Variants in GALNT18 observed in about 807,000 individuals in gnomAD.
GALNT18 encodes polypeptide N-acetylgalactosaminyltransferase 18, also known as GalNAc-transferase 18.
GALNT18 carries 44 observed loss-of-function variants against 69.5 expected under a neutral mutation model. The ratio of observed to expected loss-of-function variants is 0.63; its 90% confidence interval spans 0.50 to 0.81. The LOEUF (loss-of-function observed/expected upper bound fraction) is 0.81, where lower values mean the gene tolerates loss of function less well. Among genes scored for constraint, GALNT18 ranks in the 40% least tolerant of loss-of-function variants. The probability of loss-of-function intolerance (pLI) is 0.00; values close to 1 mark genes in which losing one functional copy is unlikely to be tolerated. For missense variants in GALNT18, 715 were observed against 810.0 expected (o/e 0.88, Z 1.42); for synonymous variants, 364 against 318.2 (o/e 1.14, Z -1.53).
intron 3 of GALNT18, among the ~76,000 whole-genome samples, chr11:11,397,838 T>G (rs1002523889): frequency 1.3e-5 from 2 of 152,106 alleles, no homozygotes; most frequent in African/African-American, 4.8e-5. Context: ...TTGCAGTTGA[T>G]TGGGCTCTGT....
intron 9 of GALNT18, among the ~76,000 whole-genome samples, chr11:11,295,592 G>C (rs1354709238): frequency 6.6e-6 from 1 of 152,132 alleles, no homozygotes; most frequent in Non-Finnish European, 1.5e-5. Context: ...CTGGAAACCA[G>C]AGATTTCCAT....
rs529247669 is a variant in GALNT18 at position 11,293,139 on chromosome 11, C to A, written c.1567G>T (p.Val523Leu). The A allele has an allele frequency of 7.3e-7, 1 of 1,360,768 alleles. No homozygotes were observed. The highest frequency in any genetic ancestry group is 2.2e-5 in the South Asian group (1 of 45,608). The allele number at this position is 1,360,768 out of a possible 1,614,324, so 84.3% of individuals were successfully genotyped here. Residue 523 changes from valine to leucine, a missense_variant, in exon 10 of 11, where the codon GTG (valine) becomes TTG (leucine). Val to Leu is a conservative substitution (Grantham distance 32, BLOSUM62 1). Transcript: ENST00000227756. ...AGGCATCGGTTGTCATCATCATCCA[C>A]GGTGGGGCTCAGAATGCCCACATGG... ...QIHVGILSPT[V>L]DDDDNRCLVD... is the part of the protein sequence containing the mutation.
rs1436915166 is a variant in GALNT18, at chr11:11,611,790, C to CT, written c.235+9568dup. Among the ~76,000 whole-genome samples, 3 of 152,268 alleles carry CT rather than the reference C, an allele frequency of 2.0e-5. No individual in the cohort carries two copies. In the East Asian group the frequency reaches 5.8e-4, roughly 29 times the overall value. On this transcript the variant is annotated intron_variant, in intron 1 of 10. Coordinates refer to ENST00000227756, the MANE Select transcript of GALNT18 (RefSeq NM_198516.3). ...TCTAGTCTGCAGCTGGAACACTCCG[C>CT]TTTTTTGACAAGGACCAGTTCCTGG...
At chr11:11,326,700 C>A (rs1250670542) in intron 9 of GALNT18, among the ~76,000 whole-genome samples, 1 of 152,198 alleles carries the variant, frequency 6.6e-6, no homozygotes, top group South Asian at 2.1e-4. Context: ...TGAAGGGACT[C>A]TGACATTTCA....
chr11:11,416,769 G>T (rs1245325037), intron 3 of GALNT18, among the ~76,000 whole-genome samples: 4 of 152,150 alleles, frequency 2.6e-5, no homozygotes, highest in African/African-American at 9.7e-5. Context: ...AGGCAGTGCA[G>T]GAAGAGGAAG....
intron 1 of GALNT18, among the ~76,000 whole-genome samples, chr11:11,510,436 G>GTCAC (rs78067644): frequency 0.12 from 18,366 of 152,048 alleles, 1,217 homozygotes; most frequent in South Asian, 0.23. Context: ...CTCTATTCAG[G>GTCAC]TCACTTCTGC....
intron 9 of GALNT18, among the ~76,000 whole-genome samples, chr11:11,296,662 G>A (rs1280293141): frequency 6.6e-6 from 1 of 152,250 alleles, no homozygotes; most frequent in African/African-American, 2.4e-5. Context: ...AGAGTTTAGG[G>A]AGATGCTGGG....
At chr11:11,365,199 A>G (rs1335689190) in intron 6 of GALNT18, among the ~76,000 whole-genome samples, 1 of 151,888 alleles carries the variant, frequency 6.6e-6, no homozygotes, top group Non-Finnish European at 1.5e-5. Context: ...CTCTGTGTCC[A>G]TGTGTTCTCA....
rs1056644684 is a variant in GALNT18 at position 11,463,811 on chromosome 11, T to C, written c.236-14875A>G. ...TTGAGCATGACGGTAAAAATATTTA[T>C]CACATGAAAGATGTGAAACCTTTAT... On this transcript the variant is annotated intron_variant, in intron 1 of 10. Coordinates refer to ENST00000227756, the MANE Select transcript of GALNT18 (RefSeq NM_198516.3). This position sits in a 1 kb window ranked among gnomAD's most constrained non-coding sequence, Gnocchi z 4.2. Among the ~76,000 whole-genome samples, 1 of 152,190 alleles carries C rather than the reference T, an allele frequency of 6.6e-6. No individual in the cohort carries two copies. The highest frequency in any genetic ancestry group is 6.5e-5 in the Admixed American group (1 of 15,284).
At position 11,421,400 on chromosome 11, in the gene GALNT18, C is replaced by T. The variant is rs532856881; in HGVS notation, c.595+11221G>A. On this transcript the variant is annotated intron_variant, in intron 3 of 10. Coordinates refer to ENST00000227756, the MANE Select transcript of GALNT18 (RefSeq NM_198516.3). The surrounding 1 kb of genome is among the most constrained non-coding windows in gnomAD (Gnocchi z 5.6). The stretch of plus-strand genomic sequence containing the variant: ...AGCTTATCGGTGGGAAGTCCCAGCC[C>T]CCATGATGTAGGAAGCCAGGTGGAT... 1.3e-5 allele frequency among the ~76,000 whole-genome samples: 2 copies of T among 152,186 alleles called. No homozygotes were observed. Among genetic ancestry groups the T allele is most frequent in the South Asian group, 4.2e-4 (2 of 4,808 alleles).
At chr11:11,437,246 C>A (rs963347920) in intron 2 of GALNT18, among the ~76,000 whole-genome samples, 6 of 152,168 alleles carry the variant, frequency 3.9e-5, no homozygotes, top group African/African-American at 1.4e-4. Context: ...TGAGAACAGG[C>A]ATATTCTCCT....
rs978414183 is a variant in GALNT18, at chr11:11,318,711, G to A, written c.1512+8375C>T. On this transcript the variant is annotated intron_variant, in intron 9 of 10. Coordinates refer to ENST00000227756, the MANE Select transcript of GALNT18 (RefSeq NM_198516.3). The surrounding 1 kb of genome is among the most constrained non-coding windows in gnomAD (Gnocchi z 5.1). ...TCACTAGTGGCCTGGAGTGTCCCTC[G>A]ACCTTCAACAAACTTTGTGAAAAGA... Among the ~76,000 whole-genome samples, 1 of 152,064 alleles carries A rather than the reference G, an allele frequency of 6.6e-6. No individual in the cohort carries two copies. The highest frequency in any genetic ancestry group is 1.5e-5 in the Non-Finnish European group (1 of 68,028).
chr11:11,393,467 AG>A (rs539374004), intron 3 of GALNT18, among the ~76,000 whole-genome samples: 2 of 152,282 alleles, frequency 1.3e-5, no homozygotes, highest in South Asian at 2.1e-4. Flanking sequence ...CTAAGGCTAA[AG>A]GCATGCCCTT....
At chr11:11,374,467 G>C (rs369809659) in intron 5 of GALNT18, among the ~76,000 whole-genome samples, 14 of 152,228 alleles carry the variant, frequency 9.2e-5, no homozygotes, top group African/African-American at 3.4e-4. Context: ...ACATCAGGCT[G>C]GCAGAGTGGG....
chr11:11,554,094 C>T (rs1036183923), intron 1 of GALNT18, among the ~76,000 whole-genome samples: 9 of 152,206 alleles, frequency 5.9e-5, no homozygotes, highest in African/African-American at 1.9e-4. Flanking sequence ...GCGTCCTCCC[C>T]GGTGGTCACC....
chr11:11,414,389 C>T (rs1001325559), intron 3 of GALNT18, among the ~76,000 whole-genome samples: 4 of 152,196 alleles, frequency 2.6e-5, no homozygotes, highest in Non-Finnish European at 4.4e-5. Context: ...GCCATCCTCC[C>T]GCTTCCTTAC....
chr11:11,288,836 A>T (rs1438951993), intron 10 of GALNT18, among the ~76,000 whole-genome samples: 4 of 151,222 alleles, frequency 2.6e-5, no homozygotes, highest in Non-Finnish European at 5.9e-5. Context: ...ACACTAAGAT[A>T]TGCAAATGCC....
intron 1 of GALNT18, among the ~76,000 whole-genome samples, chr11:11,527,164 AC>A (rs1397083668): frequency 6.6e-6 from 1 of 151,398 alleles, no homozygotes; most frequent in East Asian, 1.9e-4. Flanking sequence ...TCTTGAAGGC[AC>A]CCCCCAACCC....
chr11:11,400,819 T>C (rs758803830), intron 3 of GALNT18, among the ~76,000 whole-genome samples: 2 of 152,010 alleles, frequency 1.3e-5, no homozygotes, highest in African/African-American at 2.4e-5. Context: ...TGGATGGTGA[T>C]GGAGTAGGTG....
Sources: allele counts gnomAD v4.1 joint callset (sites outside exome capture counted in the v4.1 genomes callset), GRCh38; gene constraint gnomAD v4.1.1; non-coding constraint Gnocchi (gnomAD v3.1); transcripts MANE v1.5; gene names NCBI Gene and HGNC (gene_info 2026-07-23, HGNC 2026-07-21).